The following GRM7 variants were observed in gnomAD, a reference collection of about 807,000 sequenced individuals.
GRM7 encodes metabotropic glutamate receptor 7.
In GRM7, 35 loss-of-function variants were observed where a neutral mutation model predicts 84.5. The observed-to-expected ratio is 0.41, with a 90% CI of 0.32 to 0.55. GRM7 has a LOEUF of 0.55. GRM7 is among the 20% of genes least tolerant of loss of function. The pLI is 0.19. For missense variants in GRM7, 1,003 were observed against 1,194.6 expected (o/e 0.84, Z 2.36); for synonymous variants, 487 against 455.1 (o/e 1.07, Z -0.89).
Position 7,441,437 on chromosome 3 carries a change from G to A in GRM7, c.1175-11170G>A, listed in dbSNP as rs183866924. Among the ~76,000 whole-genome samples, 260 of 151,946 alleles carry A rather than the reference G, an allele frequency of 1.7e-3. 8 individuals are homozygous for A. The highest frequency in any genetic ancestry group is 2.3e-3 in the East Asian group (12 of 5,168). ...TGAAAATATTTTCTCCAATTTTTTGGGTTGTCTGTTTACTCCATTGATGGT... is the reference window on the plus strand; with the variant it reads ...TGAAAATATTTTCTCCAATTTTTTGAGTTGTCTGTTTACTCCATTGATGGT... On this transcript the variant is annotated intron_variant, in intron 5 of 9. Coordinates refer to ENST00000357716, the MANE Select transcript of GRM7 (RefSeq NM_000844.4).
intron 7 of GRM7, among the ~76,000 whole-genome samples, chr3:7,483,279 A>C (rs1245538685): frequency 6.6e-6 from 1 of 152,246 alleles, no homozygotes; most frequent in Non-Finnish European, 1.5e-5. Flanking sequence ...GAGGAAAACA[A>C]AATAAGGTGA....
At chr3:6,891,115 C>G (rs1047473572) in intron 1 of GRM7, among the ~76,000 whole-genome samples, 5 of 152,202 alleles carry the variant, frequency 3.3e-5, no homozygotes, top group Admixed American at 6.5e-5. Context: ...TTATTTTGAG[C>G]CTATATGTGT....
intron 5 of GRM7, among the ~76,000 whole-genome samples, chr3:7,416,842 T>G (rs1696181048): frequency 6.6e-6 from 1 of 152,090 alleles, no homozygotes; most frequent in Admixed American, 6.6e-5. Context: ...AAAAATTAGC[T>G]TGACATCTGG....
Position 6,862,722 on chromosome 3 carries a change from T to TCC in GRM7, c.519+821_519+822dup, listed in dbSNP as rs150780642. 1,776 of 241,786 alleles carry TCC rather than the reference T, an allele frequency of 7.3e-3. 28 individuals carry two copies. The highest frequency in any genetic ancestry group is 0.044 in the African/African-American group (1,608 of 36,832). The allele number at this position is 241,786 out of a possible 1,614,324, so 15.0% of individuals were successfully genotyped here. On this transcript the variant is annotated intron_variant, in intron 1 of 9. Transcript: ENST00000357716. The surrounding 1 kb of genome is among the most constrained non-coding windows in gnomAD (Gnocchi z 5.2). The stretch of plus-strand genomic sequence containing the variant: ...ATCGCTCTCCCTGCCTCCTCCCTCC[T>TCC]CCCCCCCGCCCCCCTCACCCACTAT...
At chr3:7,051,731 CT>C (rs1389603249) in intron 1 of GRM7, among the ~76,000 whole-genome samples, 1 of 151,640 alleles carries the variant, frequency 6.6e-6, no homozygotes, top group East Asian at 1.9e-4. Flanking sequence ...CCTAAAATGC[CT>C]TTTAAAGTGC....
At chr3:7,563,701 T>C (rs1694133850) in intron 7 of GRM7, among the ~76,000 whole-genome samples, 1 of 151,928 alleles carries the variant, frequency 6.6e-6, no homozygotes, top group African/African-American at 2.4e-5. Context: ...GGAGTGGAGG[T>C]TCGGGGGTCT....
chr3:6,863,730 T>C lies in GRM7; in HGVS notation c.519+1823T>C, dbSNP rs552201887. Among the ~76,000 whole-genome samples, 5 of 152,120 alleles carry C rather than the reference T, an allele frequency of 3.3e-5. No homozygotes were observed. Among genetic ancestry groups the C allele is most frequent in the African/African-American group, 7.2e-5 (3 of 41,432 alleles). ...GTCAGAGACATTACCTGAGAACCACTGGGGGCTGGGGTAGGTTACAGTGTT... is the reference window on the plus strand; with the variant it reads ...GTCAGAGACATTACCTGAGAACCACCGGGGGCTGGGGTAGGTTACAGTGTT... On this transcript the variant is annotated intron_variant, in intron 1 of 9. Transcript: ENST00000357716. This position sits in a 1 kb window ranked among gnomAD's most constrained non-coding sequence, Gnocchi z 4.8.
intron 4 of GRM7, among the ~76,000 whole-genome samples, chr3:7,382,377 G>T (rs1694625698): frequency 2.6e-5 from 4 of 151,860 alleles, no homozygotes; most frequent in Admixed American, 1.3e-4. Flanking sequence ...CTTTTGTTTT[G>T]ATAGAGAAGC....
intron 2 of GRM7, among the ~76,000 whole-genome samples, chr3:7,196,820 T>C (rs888516840): frequency 3.3e-5 from 5 of 152,212 alleles, no homozygotes; most frequent in Admixed American, 2.6e-4. Flanking sequence ...TATCTTTTAA[T>C]TTGGATTCTC....
chr3:7,108,649 T>C (rs1692738594), intron 1 of GRM7, among the ~76,000 whole-genome samples: 2 of 152,182 alleles, frequency 1.3e-5, no homozygotes, highest in South Asian at 4.1e-4. Context: ...GACCATCTCA[T>C]TTGACATCTT....
At chr3:7,726,613 C>CTA (rs56250356) in intron 9 of GRM7, among the ~76,000 whole-genome samples, 625 of 57,586 alleles carry the variant, frequency 0.011, 23 homozygotes, top group Middle Eastern at 0.014. Flanking sequence ...CTCTCTCCCT[C>CTA]TATATATATA....
intron 2 of GRM7, among the ~76,000 whole-genome samples, chr3:7,191,341 A>T (rs1005922127): frequency 1.3e-5 from 2 of 151,964 alleles, no homozygotes; most frequent in African/African-American, 2.4e-5. Context: ...ACTCCCCTTT[A>T]TATCCAATGG....
At chr3:7,001,043 A>G (rs901959203) in intron 1 of GRM7, among the ~76,000 whole-genome samples, 26 of 152,238 alleles carry the variant, frequency 1.7e-4, no homozygotes, top group African/African-American at 5.5e-4. Flanking sequence ...GCTGAAAATC[A>G]TAGTCAGGGA....
intron 7 of GRM7, among the ~76,000 whole-genome samples, chr3:7,481,293 G>A (rs1393327013): frequency 6.6e-6 from 1 of 152,084 alleles, no homozygotes; most frequent in Non-Finnish European, 1.5e-5. Flanking sequence ...ACCTAGGCTA[G>A]TCTTGAACTC....
chr3:7,549,270 GCTTT>G (rs1483673547), intron 7 of GRM7, among the ~76,000 whole-genome samples: 1 of 152,058 alleles, frequency 6.6e-6, no homozygotes, highest in Admixed American at 6.6e-5. Context: ...ACATTTTACT[GCTTT>G]CTTTTCATCT....
chr3:7,096,863 G>T (rs1559437060), intron 1 of GRM7, among the ~76,000 whole-genome samples: 1 of 152,098 alleles, frequency 6.6e-6, no homozygotes, highest in East Asian at 1.9e-4. Context: ...ACAAAGACCA[G>T]ATATATTCTT....
chr3:7,228,628 T>A (rs1273719637), intron 2 of GRM7, among the ~76,000 whole-genome samples: 1 of 152,220 alleles, frequency 6.6e-6, no homozygotes, highest in Non-Finnish European at 1.5e-5. Flanking sequence ...ATTCTGGGGT[T>A]ATCTCTGTGA....
intron 2 of GRM7, 142 bp from the exon 3 acceptor site, chr3:7,298,542 C>T (rs532552225): frequency 3.0e-6 from 2 of 657,050 alleles, no homozygotes; most frequent in Admixed American, 2.8e-5. Context: ...AGCATGGTGT[C>T]TTATGCTGTC....
At chr3:7,284,357 C>G (rs1699357416) in intron 2 of GRM7, among the ~76,000 whole-genome samples, 1 of 151,246 alleles carries the variant, frequency 6.6e-6, no homozygotes, top group South Asian at 2.1e-4. Flanking sequence ...TACAGACAAT[C>G]AATACTAACA....
Sources: allele counts gnomAD v4.1 joint callset (sites outside exome capture counted in the v4.1 genomes callset), GRCh38; gene constraint gnomAD v4.1.1; non-coding constraint Gnocchi (gnomAD v3.1); transcripts MANE v1.5; gene names NCBI Gene and HGNC (gene_info 2026-07-23, HGNC 2026-07-21).